The following TMC1 variants were observed in gnomAD, a reference collection of about 807,000 sequenced individuals.
TMC1 encodes the protein transmembrane channel like 1.
In TMC1, 84 loss-of-function variants were observed where a neutral mutation model predicts 105.8. The ratio of observed to expected loss-of-function variants is 0.79; its 90% CI spans 0.67 to 0.95. TMC1 has a LOEUF of 0.95. Among genes scored for constraint, TMC1 ranks in the 40% least tolerant of loss-of-function variants. TMC1 has a pLI of 0.00. For missense variants in TMC1, 817 were observed against 914.1 expected (o/e 0.89, Z 1.37); for synonymous variants, 315 against 311.5 (o/e 1.01, Z -0.12).
At chr9:72,635,253 C>CAA (rs56137734) in intron 4 of TMC1, among the ~76,000 whole-genome samples, 4 of 122,628 alleles carry the variant, frequency 3.3e-5, no homozygotes, top group African/African-American at 5.9e-5. Context: ...ACTCCGTCTC[C>CAA]AAAAAAAAAA....
intron 17 of TMC1, among the ~76,000 whole-genome samples, chr9:72,795,316 C>A (rs565923890): frequency 3.3e-5 from 5 of 152,288 alleles, no homozygotes; most frequent in African/African-American, 1.2e-4. Context: ...CAAGATTCTA[C>A]ACAGGAAGAT....
chr9:72,796,485 C>G (rs1828371148), intron 17 of TMC1, among the ~76,000 whole-genome samples: 1 of 152,156 alleles, frequency 6.6e-6, no homozygotes, highest in Non-Finnish European at 1.5e-5. Context: ...AAAATACTTG[C>G]AAACCGAATT....
At chr9:72,820,510 G>C (rs1828849592) in intron 19 of TMC1, among the ~76,000 whole-genome samples, 1 of 152,110 alleles carries the variant, frequency 6.6e-6, no homozygotes, top group African/African-American at 2.4e-5. Flanking sequence ...GTTTATTTTA[G>C]AATTAGAAGA....
At chr9:72,703,350 C>T (rs1467736370) in intron 8 of TMC1, among the ~76,000 whole-genome samples, 1 of 152,144 alleles carries the variant, frequency 6.6e-6, no homozygotes, top group Non-Finnish European at 1.5e-5. Context: ...TGATCTCGAA[C>T]TCCTGGCCTC....
chr9:72,740,664 T>C (rs1011265199), intron 9 of TMC1, among the ~76,000 whole-genome samples: 1 of 152,174 alleles, frequency 6.6e-6, no homozygotes, highest in Non-Finnish European at 1.5e-5. Context: ...GAAAAGCAAC[T>C]AACATTTATT....
intron 8 of TMC1, among the ~76,000 whole-genome samples, chr9:72,735,296 G>T (rs926760729): frequency 6.6e-6 from 1 of 152,132 alleles, no homozygotes; most frequent in African/African-American, 2.4e-5. Flanking sequence ...CATTTGGATG[G>T]TTTGAGGCCA....
intron 18 of TMC1, among the ~76,000 whole-genome samples, chr9:72,810,940 T>C (rs1022766066): frequency 4.6e-5 from 7 of 152,194 alleles, no homozygotes; most frequent in Non-Finnish European, 1.0e-4. Flanking sequence ...TCAGTCACAG[T>C]AGAGGGCTTT....
intron 2 of TMC1, among the ~76,000 whole-genome samples, chr9:72,612,613 C>T (rs986902807): frequency 6.6e-6 from 1 of 152,122 alleles, no homozygotes; most frequent in Non-Finnish European, 1.5e-5. Flanking sequence ...ATGAATGTAG[C>T]TGTGTTTCAA....
intron 2 of TMC1, among the ~76,000 whole-genome samples, chr9:72,596,645 A>G (rs908964080): frequency 1.3e-5 from 2 of 152,134 alleles, no homozygotes; most frequent in South Asian, 2.1e-4. Context: ...GTGTAAGTCT[A>G]TAGCAGATGA....
intron 10 of TMC1, among the ~76,000 whole-genome samples, chr9:72,748,257 G>A (rs1827525712): frequency 6.6e-6 from 1 of 152,062 alleles, no homozygotes; most frequent in Non-Finnish European, 1.5e-5. Flanking sequence ...TGTAAAATGG[G>A]AAAACAATAG....
intron 4 of TMC1, among the ~76,000 whole-genome samples, chr9:72,628,598 A>G (rs1825392983): frequency 6.6e-6 from 1 of 152,196 alleles, no homozygotes; most frequent in Non-Finnish European, 1.5e-5. Context: ...GCCCAAGTCA[A>G]TCTATTTTTA....
intron 8 of TMC1, among the ~76,000 whole-genome samples, chr9:72,703,251 C>T (rs1172109241): frequency 6.6e-6 from 1 of 152,014 alleles, no homozygotes; most frequent in Non-Finnish European, 1.5e-5. Flanking sequence ...CTCAGTCTAC[C>T]ACGTACCTGG....
intron 13 of TMC1, among the ~76,000 whole-genome samples, chr9:72,773,546 A>G (rs1215965342): frequency 6.6e-6 from 1 of 152,310 alleles, no homozygotes; most frequent in African/African-American, 2.4e-5. Context: ...TATCTAAGAT[A>G]TTTATCAACC....
intron 2 of TMC1, among the ~76,000 whole-genome samples, chr9:72,600,627 T>A (rs1490741694): frequency 6.6e-6 from 1 of 152,078 alleles, no homozygotes; most frequent in Non-Finnish European, 1.5e-5. Context: ...CTCAAGCTAC[T>A]GCTGAAATTC....
At chr9:72,721,900 T>C (rs1827033827) in intron 8 of TMC1, among the ~76,000 whole-genome samples, 1 of 152,176 alleles carries the variant, frequency 6.6e-6, no homozygotes, top group African/African-American at 2.4e-5. Flanking sequence ...ATCCCCATGT[T>C]CAAACCCTTC....
At chr9:72,722,992 G>A (rs927514118) in intron 8 of TMC1, among the ~76,000 whole-genome samples, 6 of 152,098 alleles carry the variant, frequency 3.9e-5, no homozygotes, top group Admixed American at 3.9e-4. Flanking sequence ...AGGTAAAACT[G>A]ATCTGGAACA....
intron 8 of TMC1, among the ~76,000 whole-genome samples, chr9:72,713,426 A>C (rs1157349785): frequency 6.6e-6 from 1 of 152,158 alleles, no homozygotes; most frequent in African/African-American, 2.4e-5. Context: ...TTGGTAGGCT[A>C]TTAATTGCTG....
At position 72,675,912 on chromosome 9, in the gene TMC1, T is replaced by C. The variant is rs116803279; in HGVS notation, c.17-12797T>C. ...TGTAAATCTCCCAATCTAGGCTCCA[T>C]TGACTCTTGTCTCTTTCTTTGTATG... On this transcript the variant is annotated intron_variant, in intron 5 of 23. Transcript: ENST00000297784. Among the ~76,000 whole-genome samples, 791 of 147,844 alleles carry C rather than the reference T, an allele frequency of 5.4e-3. 6 individuals are homozygous for C. The highest frequency in any genetic ancestry group is 0.019 in the African/African-American group (764 of 39,480).
chr9:72,561,317 CAAAAA>C (rs375862130), intron 1 of TMC1, among the ~76,000 whole-genome samples: 2 of 76,406 alleles, frequency 2.6e-5, no homozygotes, highest in Non-Finnish European at 2.4e-5. Context: ...GACTCCGTCT[CAAAAA>C]AAAAAAAAAA....
Sources: gnomAD v4.1 joint callset for allele counts (sites outside exome capture counted in the v4.1 genomes callset) on GRCh38, gnomAD v4.1.1 for gene constraint, MANE v1.5 for transcripts, NCBI Gene and HGNC (gene_info 2026-07-23, HGNC 2026-07-21) for gene names.